Variants in NACC2 observed in about 807,000 individuals in gnomAD.
NACC2 encodes the protein NACC family member 2, also known as nucleus accumbens-associated protein 2.
A neutral mutation model predicts 25.1 loss-of-function variants in NACC2; 8 were observed. The observed-to-expected ratio is 0.32, with a 90% CI of 0.19 to 0.57. The LOEUF (loss-of-function observed/expected upper bound fraction) is 0.57, where lower values mean the gene tolerates loss of function less well. NACC2 is among the 20% of genes least tolerant of loss of function. The probability of loss-of-function intolerance (pLI) is 0.89; values close to 1 mark genes in which losing one functional copy is unlikely to be tolerated. For missense variants in NACC2, 644 were observed against 650.2 expected (o/e 0.99, Z 0.10); for synonymous variants, 435 against 294.7 (o/e 1.48, Z -4.88).
chr9:136,031,529 G>C (rs1020379575), intron 2 of NACC2, among the ~76,000 whole-genome samples: 3 of 152,094 alleles, frequency 2.0e-5, no homozygotes, highest in African/African-American at 7.2e-5. Context: ...GTAGAGATGG[G>C]GTTTCACTGT....
intron 2 of NACC2, among the ~76,000 whole-genome samples, chr9:136,030,210 T>C (rs1256303813): frequency 6.6e-6 from 1 of 152,068 alleles, no homozygotes; most frequent in African/African-American, 2.4e-5. Context: ...TTTAGAAATA[T>C]ACACCCCATC....
chr9:136,062,208 G>A (rs1841023572), intron 1 of NACC2, among the ~76,000 whole-genome samples: 1 of 151,816 alleles, frequency 6.6e-6, no homozygotes, highest in South Asian at 2.1e-4. Context: ...AGAAAGAAAA[G>A]TTAGCAAGAA....
chr9:136,024,920 G>C (rs1255942954), intron 2 of NACC2, among the ~76,000 whole-genome samples: 1 of 152,226 alleles, frequency 6.6e-6, no homozygotes, highest in Non-Finnish European at 1.5e-5. Context: ...CGGGGCCCAG[G>C]ATCCTGAGAG....
chr9:136,047,101 G>A (rs1283643833), intron 2 of NACC2, among the ~76,000 whole-genome samples: 2 of 152,102 alleles, frequency 1.3e-5, no homozygotes, highest in African/African-American at 2.4e-5. Flanking sequence ...CTTAGAACAC[G>A]CTAGTCCTAC....
At chr9:136,070,132 C>A (rs920394880) in intron 1 of NACC2, among the ~76,000 whole-genome samples, 1 of 151,852 alleles carries the variant, frequency 6.6e-6, no homozygotes, top group East Asian at 1.9e-4. Context: ...AACTAGAAAT[C>A]GTAACAAAGG....
chr9:136,087,959 G>A (rs1426536097), intron 1 of NACC2, among the ~76,000 whole-genome samples: 3 of 139,710 alleles, frequency 2.1e-5, no homozygotes, highest in East Asian at 1.9e-4. Context: ...GGGAAGTTCC[G>A]GGAGGTGACC....
Position 136,087,907 on chromosome 9 carries a change from G to A in NACC2, c.-60+7282C>T, listed in dbSNP as rs188511893. Among the ~76,000 whole-genome samples the A allele has an allele frequency of 7.2e-5, 11 of 152,292 alleles. No homozygotes were observed. The East Asian group carries it at 1.9e-3, about 27-fold the overall frequency. ...CCTTGTCTGCTGCCCAAGGCCGGCC[G>A]TGGCCCAGGAAGGCCCAGTTTCCCA... is the stretch of plus-strand genomic sequence containing the variant. On this transcript the variant is annotated intron_variant, in intron 1 of 5. Coordinates refer to ENST00000277554, the MANE Select transcript of NACC2 (RefSeq NM_144653.5).
At position 136,094,735 on chromosome 9, in the gene NACC2, G is replaced by A. The variant is rs1416194391; in HGVS notation, c.-60+454C>T. On this transcript the variant is annotated intron_variant, in intron 1 of 5. Transcript: ENST00000277554. ...GGCAGCTGCGCAGATGCGCCGGGAGGGGTGGGTACCTCCGCCCTGGCCCCG... is the reference window on the plus strand; with the variant it reads ...GGCAGCTGCGCAGATGCGCCGGGAGAGGTGGGTACCTCCGCCCTGGCCCCG... Among the ~76,000 whole-genome samples, 6 of 151,960 alleles carry A rather than the reference G, an allele frequency of 3.9e-5. No homozygotes were observed. In the East Asian group the frequency reaches 7.8e-4, roughly 20 times the overall value.
intron 2 of NACC2, among the ~76,000 whole-genome samples, chr9:136,017,117 ACGCCAC>A (rs761729437): frequency 6.6e-6 from 1 of 152,060 alleles, no homozygotes; most frequent in Admixed American, 6.5e-5. Context: ...GCTGGCCGAC[ACGCCAC>A]CGCCACCGCC....
intron 1 of NACC2, among the ~76,000 whole-genome samples, chr9:136,070,670 A>G (rs1272227756): frequency 1.7e-4 from 1 of 5,744 alleles, no homozygotes; most frequent in East Asian, 0.1. Context: ...AGGAATCAGA[A>G]AAAAAAAAAA....
chr9:136,053,511 C>T (rs1840879407), intron 1 of NACC2, among the ~76,000 whole-genome samples: 1 of 152,214 alleles, frequency 6.6e-6, no homozygotes. Context: ...CCGCCACACC[C>T]TCCACCCTCA....
chr9:136,046,320 G>T (rs1427064468), intron 2 of NACC2, among the ~76,000 whole-genome samples: 3 of 152,224 alleles, frequency 2.0e-5, no homozygotes, highest in Admixed American at 1.3e-4. Context: ...AGCCAGAGGG[G>T]AACTGCACTG....
chr9:136,021,986 C>T (rs1319477556), intron 2 of NACC2, among the ~76,000 whole-genome samples: 2 of 152,132 alleles, frequency 1.3e-5, no homozygotes, highest in African/African-American at 4.8e-5. Context: ...GGCGAGGGAG[C>T]CATTGTGAAT....
At chr9:136,063,898 CAAA>C (rs547983254) in intron 1 of NACC2, among the ~76,000 whole-genome samples, 2 of 132,120 alleles carry the variant, frequency 1.5e-5, no homozygotes, top group Admixed American at 1.5e-4. Flanking sequence ...AAAAAAAAAA[CAAA>C]AAAAACAAAA....
intron 1 of NACC2, among the ~76,000 whole-genome samples, chr9:136,053,982 TG>T (rs1840886471): frequency 6.6e-6 from 1 of 152,166 alleles, no homozygotes; most frequent in Non-Finnish European, 1.5e-5. Flanking sequence ...CTAGGTCCCG[TG>T]GGCACCAGCC....
At chr9:136,049,533 TGGCCCCGCAGGCCTCC>T (rs1252865815) in intron 2 of NACC2, 87 bp downstream of exon 2, 6 of 630,738 alleles carry the variant, frequency 9.5e-6, no homozygotes, top group African/African-American at 1.8e-5. Flanking sequence ...GGCTCCCCTG[TGGCCCCGCAGGCCTCC>T]GGCCCAGTGG....
chr9:136,076,878 C>G (rs550380488), intron 1 of NACC2, among the ~76,000 whole-genome samples: 1,746 of 151,752 alleles, frequency 0.012, 36 homozygotes, highest in African/African-American at 0.039. Flanking sequence ...GGCGTGGTGG[C>G]GGGCGCCTGT....
rs1018941831 is a variant in NACC2, at chr9:136,055,835, A to T, written c.-59-5255T>A. 6.6e-6 allele frequency among the ~76,000 whole-genome samples: 1 copy of T among 151,984 alleles called. No homozygotes were observed. The highest frequency in any genetic ancestry group is 2.4e-5 in the African/African-American group (1 of 41,372). On this transcript the variant is annotated intron_variant, in intron 1 of 5. Transcript: ENST00000277554. The surrounding 1 kb of genome is among the most constrained non-coding windows in gnomAD (Gnocchi z 4.9). ...CGGCCCCTGGTGGAGACTGCCTGGC[A>T]GTTAGTTAAGTGAGGACATCTCCTA...
chr9:136,055,542 C>T lies in NACC2; in HGVS notation c.-59-4962G>A, dbSNP rs554161034. ...GTCCCCAGAAACCCTGCCCCCTCCA[C>T]CCCTAGATTGTAAAGCACTTTCTAA... On this transcript the variant is annotated intron_variant, in intron 1 of 5. Transcript: ENST00000277554. The surrounding 1 kb of genome is among the most constrained non-coding windows in gnomAD (Gnocchi z 4.9). 6.6e-6 allele frequency among the ~76,000 whole-genome samples: 1 copy of T among 152,316 alleles called. No homozygotes were observed. The highest frequency in any genetic ancestry group is 2.4e-5 in the African/African-American group (1 of 41,562).
Sources: allele counts gnomAD v4.1 joint callset (sites outside exome capture counted in the v4.1 genomes callset), GRCh38; gene constraint gnomAD v4.1.1; non-coding constraint Gnocchi (gnomAD v3.1); transcripts MANE v1.5; gene names NCBI Gene and HGNC (gene_info 2026-07-23, HGNC 2026-07-21).